The following GRIA1 variants were observed in gnomAD, a reference collection of about 807,000 sequenced individuals.
GRIA1 encodes the protein glutamate ionotropic receptor AMPA type subunit 1.
In GRIA1, 31 loss-of-function variants were observed where a neutral mutation model predicts 99.2. The observed-to-expected ratio is 0.31, with a 90% CI of 0.23 to 0.42. GRIA1 has a LOEUF of 0.42. GRIA1 is among the 10% of genes least tolerant of loss of function. GRIA1 has a pLI of 1.00. For missense variants in GRIA1, 782 were observed against 1,157.5 expected, an observed-to-expected ratio of 0.68 and a Z score of 4.71; for synonymous variants, 438 against 432.4, an observed-to-expected ratio of 1.01 and a Z score of -0.16.
At chr5:153,709,543 A>G (rs1759161572) in intron 11 of GRIA1, among the ~76,000 whole-genome samples, 13 of 152,206 alleles carry the variant, frequency 8.5e-5, no homozygotes, top group Admixed American at 8.5e-4. Context: ...AAGATAACCC[A>G]GTAAAGAGGG....
At chr5:153,645,460 A>G (rs1162817953) in intron 2 of GRIA1, among the ~76,000 whole-genome samples, 1 of 152,216 alleles carries the variant, frequency 6.6e-6, no homozygotes, top group Non-Finnish European at 1.5e-5. Context: ...AAGATTTTCA[A>G]TAACATTTCA....
At chr5:153,728,255 C>T (rs1193961691) in intron 11 of GRIA1, among the ~76,000 whole-genome samples, 27 of 150,360 alleles carry the variant, frequency 1.8e-4, no homozygotes, top group Non-Finnish European at 3.8e-4. Context: ...AAGACTTAAA[C>T]GTTAGACCTA....
At chr5:153,626,440 GTGTC>G (rs1326639763) in intron 2 of GRIA1, among the ~76,000 whole-genome samples, 4 of 117,552 alleles carry the variant, frequency 3.4e-5, no homozygotes, top group South Asian at 3.1e-4. Context: ...CTGTGTGTGT[GTGTC>G]TGTGTGTGTG....
At chr5:153,808,831 T>C (rs141452581) in intron 15 of GRIA1, among the ~76,000 whole-genome samples, 48 of 152,366 alleles carry the variant, frequency 3.2e-4, no homozygotes, top group African/African-American at 1.1e-3. Context: ...TATGGAGTCA[T>C]TGACTTTGAG....
intron 11 of GRIA1, among the ~76,000 whole-genome samples, chr5:153,763,154 G>A (rs1390461746): frequency 1.3e-5 from 2 of 152,144 alleles, no homozygotes; most frequent in South Asian, 4.1e-4. Context: ...AGTAAACCCT[G>A]TCTGCCTAGA....
intron 2 of GRIA1, among the ~76,000 whole-genome samples, chr5:153,628,154 C>T (rs140493196): frequency 0.015 from 2,285 of 152,172 alleles, 29 homozygotes; most frequent in Middle Eastern, 0.02. Context: ...GAGAGCCCAG[C>T]GAAGGATGGA....
At chr5:153,568,791 C>T (rs12153490) in intron 2 of GRIA1, among the ~76,000 whole-genome samples, 14,731 of 152,266 alleles carry the variant, frequency 0.097, 792 homozygotes, top group South Asian at 0.19. Context: ...TCTCAAACTT[C>T]ATATGGCTTT....
intron 14 of GRIA1, among the ~76,000 whole-genome samples, chr5:153,797,562 G>A (rs1290952466): frequency 1.3e-5 from 2 of 152,178 alleles, no homozygotes; most frequent in East Asian, 3.9e-4. Context: ...TTTCTGTGGG[G>A]ACACCCATGT....
chr5:153,706,301 A>T, intron 11 of GRIA1: 1 of 540,700 alleles, frequency 1.8e-6, no homozygotes, highest in East Asian at 3.2e-5. Flanking sequence ...TGTCAAGGTT[A>T]ATAGGCATAA....
At chr5:153,541,196 C>T (rs1201237712) in intron 2 of GRIA1, among the ~76,000 whole-genome samples, 1 of 152,218 alleles carries the variant, frequency 6.6e-6, no homozygotes, top group Non-Finnish European at 1.5e-5. Context: ...CAAACATTAC[C>T]TCCTTCACAG....
chr5:153,757,666 G>T (rs1762921260), intron 11 of GRIA1, among the ~76,000 whole-genome samples: 1 of 152,128 alleles, frequency 6.6e-6, no homozygotes, highest in African/African-American at 2.4e-5. Flanking sequence ...TGAAGGAAAA[G>T]ATAAAAACTT....
chr5:153,587,504 G>A (rs992415078), intron 2 of GRIA1, among the ~76,000 whole-genome samples: 1 of 152,160 alleles, frequency 6.6e-6, no homozygotes, highest in African/African-American at 2.4e-5. Context: ...TGCAGTCTCT[G>A]ATTGTTCTAG....
At chr5:153,549,092 T>G (rs1414376485) in intron 2 of GRIA1, among the ~76,000 whole-genome samples, 1 of 152,230 alleles carries the variant, frequency 6.6e-6, no homozygotes, top group Non-Finnish European at 1.5e-5. Context: ...ACAGCTCTGA[T>G]GAACTTAAAG....
At chr5:153,502,210 T>C (rs1755071460) in intron 2 of GRIA1, among the ~76,000 whole-genome samples, 1 of 152,228 alleles carries the variant, frequency 6.6e-6, no homozygotes, top group South Asian at 2.1e-4. Flanking sequence ...AACACGTGTC[T>C]TACCTGCCCA....
At chr5:153,583,399 G>A (rs1763213528) in intron 2 of GRIA1, among the ~76,000 whole-genome samples, 1 of 152,284 alleles carries the variant, frequency 6.6e-6, no homozygotes, top group Non-Finnish European at 1.5e-5. Context: ...AAACCTGTAA[G>A]TGAGAATCCT....
At chr5:153,498,152 T>C (rs1191282130) in intron 2 of GRIA1, among the ~76,000 whole-genome samples, 1 of 152,180 alleles carries the variant, frequency 6.6e-6, no homozygotes, top group East Asian at 1.9e-4. Context: ...TATTAAAATA[T>C]CTGGCAACAC....
At chr5:153,808,911 T>G (rs558947018) in intron 15 of GRIA1, among the ~76,000 whole-genome samples, 2 of 152,264 alleles carry the variant, frequency 1.3e-5, no homozygotes, top group Admixed American at 1.3e-4. Context: ...CATGCCTGGC[T>G]AAATTATCTC....
At chr5:153,635,486 T>A (rs966794940) in intron 2 of GRIA1, among the ~76,000 whole-genome samples, 6 of 152,194 alleles carry the variant, frequency 3.9e-5, no homozygotes, top group African/African-American at 1.2e-4. Flanking sequence ...CAGAGCTAGG[T>A]AGATGTACTC....
At chr5:153,628,880 G>C (rs1033975498) in intron 2 of GRIA1, among the ~76,000 whole-genome samples, 21 of 152,192 alleles carry the variant, frequency 1.4e-4, no homozygotes, top group African/African-American at 5.1e-4. Flanking sequence ...AGTTACCATA[G>C]TCAGCCTCTC....
Sources: allele counts gnomAD v4.1 joint callset (sites outside exome capture counted in the v4.1 genomes callset), GRCh38; gene constraint gnomAD v4.1.1; transcripts MANE v1.5; gene names NCBI Gene and HGNC (gene_info 2026-07-23, HGNC 2026-07-21).